The following RFX3 variants were observed in gnomAD, a reference collection of about 807,000 sequenced individuals.
RFX3 encodes regulatory factor X3.
Under a neutral mutation model 98.6 loss-of-function variants are expected in RFX3, and 14 were observed. The ratio of observed to expected loss-of-function variants is 0.14; its 90% CI spans 0.09 to 0.22. The LOEUF is 0.22. RFX3 is among the 10% of genes least tolerant of loss of function. RFX3 has a pLI of 1.00. For synonymous variants in RFX3, 383 were observed against 328.4 expected (o/e 1.17, Z -1.80); for missense variants, 639 against 926.9 (o/e 0.69, Z 4.03).
intron 10 of RFX3, 154 bp downstream of exon 10, chr9:3,270,849 G>C (rs1462577480): frequency 2.9e-6 from 3 of 1,017,534 alleles, no homozygotes; most frequent in Non-Finnish European, 4.3e-6. Context: ...CCTCAAGAGA[G>C]CAGTTCATGG....
chr9:3,406,820 T>A (rs1280007522), intron 1 of RFX3, among the ~76,000 whole-genome samples: 1 of 152,218 alleles, frequency 6.6e-6, no homozygotes. Context: ...ACAATGGAAT[T>A]TTATAACAAC....
chr9:3,410,179 G>GTGTGTGTGTGTGTGTC (rs1352494271), intron 1 of RFX3, among the ~76,000 whole-genome samples: 3 of 150,410 alleles, frequency 2.0e-5, no homozygotes, highest in Admixed American at 6.6e-5. Flanking sequence ...GTGTGTGTGT[G>GTGTGTGTGTGTGTGTC]TGTGTGTGTG....
At chr9:3,487,987 C>G (rs1442156615) in intron 1 of RFX3, among the ~76,000 whole-genome samples, 1 of 152,048 alleles carries the variant, frequency 6.6e-6, no homozygotes, top group African/African-American at 2.4e-5. Flanking sequence ...AAAGCATGAC[C>G]TTTGTGTAGC....
chr9:3,428,554 CCTTA>C (rs1844336034), intron 1 of RFX3, among the ~76,000 whole-genome samples: 1 of 152,076 alleles, frequency 6.6e-6, no homozygotes, highest in Non-Finnish European at 1.5e-5. Context: ...CCTTCATAAC[CCTTA>C]CTTTGCTTAT....
At chr9:3,307,307 G>C (rs1296990879) in intron 4 of RFX3, among the ~76,000 whole-genome samples, 1 of 152,086 alleles carries the variant, frequency 6.6e-6, no homozygotes, top group Non-Finnish European at 1.5e-5. Flanking sequence ...CTGCAACTTT[G>C]TGGCTAGGAG....
At chr9:3,435,227 ATAAAT>A (rs1845016616) in intron 1 of RFX3, among the ~76,000 whole-genome samples, 1 of 152,036 alleles carries the variant, frequency 6.6e-6, no homozygotes, top group South Asian at 2.1e-4. Flanking sequence ...TTCTTTAGTA[ATAAAT>A]TAACATTGGC....
At chr9:3,262,731 G>T (rs1242776160) in intron 13 of RFX3, among the ~76,000 whole-genome samples, 1 of 152,146 alleles carries the variant, frequency 6.6e-6, no homozygotes. Context: ...TGTCTTTTAG[G>T]ACTGTAAATG....
chr9:3,300,789 T>C (rs923047723), intron 5 of RFX3, among the ~76,000 whole-genome samples: 1 of 151,900 alleles, frequency 6.6e-6, no homozygotes, highest in African/African-American at 2.4e-5. Context: ...ACAAAACAAA[T>C]TTTTATTCAG....
intron 14 of RFX3, among the ~76,000 whole-genome samples, chr9:3,252,046 C>T (rs1384824083): frequency 1.3e-5 from 2 of 152,142 alleles, no homozygotes. Flanking sequence ...CGGGGTTTCT[C>T]CATGTTGGTC....
At chr9:3,256,326 C>G (rs1398344572) in intron 14 of RFX3, among the ~76,000 whole-genome samples, 2 of 126,124 alleles carry the variant, frequency 1.6e-5, no homozygotes, top group East Asian at 2.3e-4. Flanking sequence ...TGGGAGGCAC[C>G]TAGGATTTGT....
chr9:3,301,295 T>C (rs757741793), intron 5 of RFX3, among the ~76,000 whole-genome samples: 4 of 151,860 alleles, frequency 2.6e-5, no homozygotes, highest in Non-Finnish European at 4.4e-5. Flanking sequence ...CATGGCAACT[T>C]GTTACTAACT....
At chr9:3,387,499 C>T (rs1839847534) in intron 2 of RFX3, among the ~76,000 whole-genome samples, 1 of 152,110 alleles carries the variant, frequency 6.6e-6, no homozygotes, top group African/African-American at 2.4e-5. Context: ...ATTGGATTGG[C>T]ACAGCAAGAC....
intron 1 of RFX3, among the ~76,000 whole-genome samples, chr9:3,429,729 A>G (rs371831768): frequency 6.6e-5 from 10 of 152,342 alleles, no homozygotes; most frequent in African/African-American, 2.4e-4. Flanking sequence ...CTGGGTAGCT[A>G]CACATCTCCA....
At chr9:3,238,004 G>C (rs1327382438) in intron 15 of RFX3, among the ~76,000 whole-genome samples, 1 of 151,296 alleles carries the variant, frequency 6.6e-6, no homozygotes, top group East Asian at 1.9e-4. Context: ...TGTGCTCCCA[G>C]ACAAGTTAAA....
chr9:3,273,210 G>A (rs1044876550), intron 9 of RFX3, among the ~76,000 whole-genome samples: 1 of 152,004 alleles, frequency 6.6e-6, no homozygotes, highest in African/African-American at 2.4e-5. Context: ...TATTTCAAAA[G>A]TTTTTCATAT....
intron 6 of RFX3, among the ~76,000 whole-genome samples, chr9:3,292,669 T>C (rs1225536396): frequency 1.3e-5 from 2 of 152,234 alleles, no homozygotes; most frequent in South Asian, 2.1e-4. Flanking sequence ...AAGTGATACA[T>C]AGTTTTCCAT....
At chr9:3,403,368 A>G (rs1337286673) in intron 1 of RFX3, among the ~76,000 whole-genome samples, 1 of 152,140 alleles carries the variant, frequency 6.6e-6, no homozygotes. Flanking sequence ...CTCTTTATTT[A>G]GGTTTGATGT....
rs568868127 is a variant in RFX3 at position 3,502,262 on chromosome 9, G to GA, written c.-9+23484dup. On this transcript the variant is annotated intron_variant, in intron 1 of 16. Transcript: ENST00000617270. Reference sequence around the variant, plus strand: ...GACACAGCAAGACTCTGTCTCAAAAGAAAAAAAAAAAAATCACTTTCACTT... The same window carrying GA: ...GACACAGCAAGACTCTGTCTCAAAAGAAAAAAAAAAAAAATCACTTTCACTT... Among the ~76,000 whole-genome samples, 1,218 of 130,784 alleles carry GA rather than the reference G, an allele frequency of 9.3e-3. 7 individuals are homozygous for GA. The highest frequency in any genetic ancestry group is 0.024 in the African/African-American group (876 of 35,990). The allele number at this position is 130,784 out of a possible 152,430, so 85.8% of individuals were successfully genotyped here.
At chr9:3,412,295 G>A (rs1842527222) in intron 1 of RFX3, among the ~76,000 whole-genome samples, 1 of 152,184 alleles carries the variant, frequency 6.6e-6, no homozygotes, top group South Asian at 2.1e-4. Context: ...AGGTGACCTT[G>A]AGTCATGGTT....
Sources: gnomAD v4.1 joint callset for allele counts (sites outside exome capture counted in the v4.1 genomes callset) on GRCh38, gnomAD v4.1.1 for gene constraint, MANE v1.5 for transcripts, NCBI Gene and HGNC (gene_info 2026-07-23, HGNC 2026-07-21) for gene names.